Variants in ALG6 observed in about 807,000 individuals in gnomAD.
ALG6 encodes ALG6 alpha-1,3-glucosyltransferase, also known as dolichyl pyrophosphate Man9GlcNAc2 alpha-1,3-glucosyltransferase.
Under a neutral mutation model 66.6 loss-of-function variants are expected in ALG6, and 46 were observed. That is an observed-to-expected ratio of 0.69 (90% CI 0.55 to 0.88). The LOEUF is 0.88. Among genes scored for constraint, ALG6 ranks in the 40% least tolerant of loss-of-function variants. The probability of loss-of-function intolerance (pLI) is 0.00; values close to 1 mark genes in which losing one functional copy is unlikely to be tolerated. For missense variants in ALG6, 505 were observed against 586.8 expected (o/e 0.86, Z 1.44); for synonymous variants, 185 against 203.7 (o/e 0.91, Z 0.78).
In ALG6 at chr1:63,396,616, G is replaced by C. The variant is rs1246184334; in HGVS notation, c.167+19G>C. 5 of 1,584,248 alleles carry C rather than the reference G, an allele frequency of 3.2e-6. No homozygotes were observed. Among genetic ancestry groups the C allele is most frequent in the Non-Finnish European group, 4.3e-6 (5 of 1,153,130 alleles). Reference sequence around the variant, plus strand: ...AACAATGGTATGATAATTTTAACTTGTTTTTCTTGTTTATCATAGTTAATA... The same window carrying C: ...AACAATGGTATGATAATTTTAACTTCTTTTTCTTGTTTATCATAGTTAATA... On this transcript the variant is annotated intron_variant, in intron 3 of 14. Coordinates refer to ENST00000263440, the MANE Select transcript of ALG6 (RefSeq NM_013339.4).
chr1:63,430,193 T>G (rs1339613997), intron 14 of ALG6, among the ~76,000 whole-genome samples: 1 of 152,218 alleles, frequency 6.6e-6, no homozygotes, highest in African/African-American at 2.4e-5. Context: ...TTAGCATATT[T>G]TTGAGGTTCA....
At chr1:63,368,906 A>G (rs1647818858) in intron 1 of ALG6, among the ~76,000 whole-genome samples, 1 of 152,118 alleles carries the variant, frequency 6.6e-6, no homozygotes. Flanking sequence ...TTTCCTAACC[A>G]CTACTCAAAT....
rs1291180899 is a variant in ALG6, at chr1:63,411,166, G to A, written c.515G>A (p.Gly172Asp). The stretch of plus-strand genomic sequence containing the variant: ...AACATATATAATTCTGTGAGTCTTG[G>A]CTTTGCTTTGTGGGGTGTTCTTGGA... The part of the protein sequence containing the change: ...GHFQYNSVSL[G>D]FALWGVLGIS... Residue 172 changes from glycine to aspartate, a missense_variant, in exon 8 of 15, where the codon GGC (glycine) becomes GAC (aspartate). Gly to Asp is a moderately conservative substitution (Grantham distance 94). Coordinates refer to ENST00000263440, the MANE Select transcript of ALG6 (RefSeq NM_013339.4). 5.6e-6 allele frequency: 9 copies of A among 1,613,754 alleles called. No individual in the cohort carries two copies. Among genetic ancestry groups the A allele is most frequent in the Non-Finnish European group, 6.8e-6 (8 of 1,179,854 alleles).
chr1:63,396,406 C>T (rs1648827530), intron 2 of ALG6, 107 bp from the exon 3 acceptor site: 3 of 943,786 alleles, frequency 3.2e-6, no homozygotes, highest in Non-Finnish European at 5.1e-6. Flanking sequence ...TGTGTTCTTT[C>T]TGTAACCTAC....
chr1:63,373,625 G>A (rs1648011864), intron 2 of ALG6, among the ~76,000 whole-genome samples: 1 of 148,058 alleles, frequency 6.8e-6, no homozygotes, highest in African/African-American at 2.5e-5. Flanking sequence ...ACTTTTTTGG[G>A]CTATTTTTAT....
chr1:63,400,219 ATACG>A lies in ALG6; in HGVS notation c.168-2032_168-2029del, dbSNP rs1256660484. ...CAAAAAAAAAAAAATATATATATAT[ATACG>A]TATATATATATATATATATACGTAT... On this transcript the variant is annotated intron_variant, in intron 3 of 14. Transcript: ENST00000263440. Among the ~76,000 whole-genome samples, 106 of 26,240 alleles carry A rather than the reference ATACG, an allele frequency of 4.0e-3. 19 individuals carry two copies. The highest frequency in any genetic ancestry group is 0.031 in the African/African-American group (92 of 2,978). The allele number at this position is 26,240 out of a possible 152,430, so 17.2% of individuals were successfully genotyped here. A position where few individuals can be genotyped will look rare whatever the true frequency, so the allele number is the denominator to read the frequency against.
intron 4 of ALG6, 67 bp from the exon 5 acceptor site, chr1:63,404,386 C>A (rs1644480345): frequency 8.1e-7 from 1 of 1,235,560 alleles, no homozygotes; most frequent in East Asian, 2.3e-5. Context: ...ATTCATATAT[C>A]CTTCAATATC....
chr1:63,378,852 C>T (rs1648214627), intron 2 of ALG6, among the ~76,000 whole-genome samples: 1 of 142,448 alleles, frequency 7.0e-6, no homozygotes, highest in African/African-American at 2.7e-5. Context: ...TTTAGCTGTG[C>T]TTAATTTGTT....
At chr1:63,377,459 C>A (rs1648170701) in intron 2 of ALG6, among the ~76,000 whole-genome samples, 1 of 151,930 alleles carries the variant, frequency 6.6e-6, no homozygotes, top group Admixed American at 6.6e-5. Flanking sequence ...TTGCTGTTTC[C>A]CTTCTCTATT....
intron 2 of ALG6, among the ~76,000 whole-genome samples, chr1:63,392,485 A>C (rs1211120012): frequency 6.6e-6 from 1 of 152,162 alleles, no homozygotes. Context: ...GGAAGATTTT[A>C]TTATGGAAAA....
At chr1:63,422,232 AATATATATATAAAT>A (rs1479010069) in intron 12 of ALG6, among the ~76,000 whole-genome samples, 70 of 40,824 alleles carry the variant, frequency 1.7e-3, no homozygotes, top group East Asian at 4.1e-3. Flanking sequence ...TATAAATATA[AATATATATATAAAT>A]ATATATATTT....
chr1:63,386,529 G>A (rs1557582679), intron 2 of ALG6, among the ~76,000 whole-genome samples: 2 of 151,976 alleles, frequency 1.3e-5, no homozygotes, highest in African/African-American at 4.8e-5. Flanking sequence ...ATTTCTTCCT[G>A]GTTCAGTCTT....
At chr1:63,431,328 T>C (rs903190364) in intron 14 of ALG6, among the ~76,000 whole-genome samples, 9 of 152,240 alleles carry the variant, frequency 5.9e-5, no homozygotes, top group Non-Finnish European at 1.2e-4. Context: ...TTTATTTTCA[T>C]ATTATTTTTA....
chr1:63,406,422 A>C lies in ALG6; in HGVS notation c.429+23A>C, dbSNP rs373231900. On this transcript the variant is annotated intron_variant, in intron 6 of 14. Coordinates refer to ENST00000263440, the MANE Select transcript of ALG6 (RefSeq NM_013339.4). ...AAGGTAGGTTTTCAAGCAGCCTGAC[A>C]GTTCGTCTCTGAAATGTATTCTTTA... is the stretch of plus-strand genomic sequence containing the variant. 222 of 1,587,602 alleles carry C rather than the reference A, an allele frequency of 1.4e-4. 1 individual carries two copies. Among genetic ancestry groups the C allele is most frequent in the Middle Eastern group, 5.2e-4 (3 of 5,766 alleles).
At chr1:63,378,497 GTCT>G (rs1274891655) in intron 2 of ALG6, among the ~76,000 whole-genome samples, 2 of 152,134 alleles carry the variant, frequency 1.3e-5, no homozygotes, top group East Asian at 1.9e-4. Flanking sequence ...CAGCTACTGT[GTCT>G]TCTTATTTTT....
chr1:63,382,450 G>A (rs1010310403), intron 2 of ALG6, among the ~76,000 whole-genome samples: 1 of 151,446 alleles, frequency 6.6e-6, no homozygotes, highest in African/African-American at 2.4e-5. Flanking sequence ...TGATCTGCCC[G>A]CCTCAGCGCC....
At chr1:63,407,364 TG>T (rs1644493995) in intron 7 of ALG6, among the ~76,000 whole-genome samples, 1 of 152,120 alleles carries the variant, frequency 6.6e-6, no homozygotes, top group Admixed American at 6.5e-5. Context: ...TGTTGGTAAA[TG>T]ATTAGCTCTT....
chr1:63,422,329 A>ATATT (rs1557595178), intron 12 of ALG6, among the ~76,000 whole-genome samples: 3 of 115,612 alleles, frequency 2.6e-5, no homozygotes, highest in African/African-American at 1.0e-4. Context: ...ATGAATATAT[A>ATATT]TCTATAGGAA....
In ALG6 at chr1:63,396,590, A is replaced by C; in HGVS notation, c.160A>C (p.Lys54Gln). 6.2e-7 allele frequency: 1 copy of C among 1,612,584 alleles called. No individual in the cohort carries two copies. Among genetic ancestry groups the C allele is most frequent in the East Asian group, 2.2e-5 (1 of 44,860 alleles). Residue 54 changes from lysine to glutamine, a missense_variant, in exon 3 of 15, where the codon AAA becomes CAA. Lys to Gln is a moderately conservative substitution (Grantham distance 53). Coordinates refer to ENST00000263440, the MANE Select transcript of ALG6 (RefSeq NM_013339.4). ...AGAAATAACTTTTAATTTACCGGTCAAACAATGGTATGATAATTTTAACTT... is the reference window on the plus strand; with the variant it reads ...AGAAATAACTTTTAATTTACCGGTCCAACAATGGTATGATAATTTTAACTT... ...WQEITFNLPV[K>Q]QWYFNSSDNN...
Sources: gnomAD v4.1 joint callset for allele counts (sites outside exome capture counted in the v4.1 genomes callset) on GRCh38, gnomAD v4.1.1 for gene constraint, MANE v1.5 for transcripts, NCBI Gene and HGNC (gene_info 2026-07-23, HGNC 2026-07-21) for gene names.